The following PTPRQ variants were observed in gnomAD, a reference collection of about 807,000 sequenced individuals.
The protein encoded by PTPRQ is protein tyrosine phosphatase receptor type Q.
In PTPRQ, 199 loss-of-function variants were observed where a neutral mutation model predicts 246.0. That is an observed-to-expected ratio of 0.81 (90% CI 0.72 to 0.91). PTPRQ has a LOEUF of 0.91. Among genes scored for constraint, PTPRQ ranks in the 40% least tolerant of loss-of-function variants. PTPRQ has a pLI of 0.00. For missense variants in PTPRQ, 2,624 were observed against 2,528.4 expected (o/e 1.04, Z -0.81); for synonymous variants, 869 against 853.2 (o/e 1.02, Z -0.32).
intron 25 of PTPRQ, among the ~76,000 whole-genome samples, chr12:80,579,255 G>A (rs1897363678): frequency 6.6e-6 from 1 of 152,230 alleles, no homozygotes; most frequent in African/African-American, 2.4e-5. Flanking sequence ...GTCACCTACT[G>A]TAGTCACCTA....
At chr12:80,667,814 G>A (rs1451515342) in intron 39 of PTPRQ, among the ~76,000 whole-genome samples, 1 of 151,808 alleles carries the variant, frequency 6.6e-6, no homozygotes, top group East Asian at 1.9e-4. Flanking sequence ...TTTTTAATAA[G>A]AAAAGATCCC....
chr12:80,643,692 CT>C (rs1899973220), intron 35 of PTPRQ, among the ~76,000 whole-genome samples: 1 of 151,964 alleles, frequency 6.6e-6, no homozygotes, highest in Non-Finnish European at 1.5e-5. Context: ...ATTAAGGCAC[CT>C]TTAAAAGTAT....
At chr12:80,463,687 G>C (rs1034494056) in intron 6 of PTPRQ, among the ~76,000 whole-genome samples, 3 of 151,796 alleles carry the variant, frequency 2.0e-5, no homozygotes, top group African/African-American at 7.3e-5. Context: ...AACCCTAGAA[G>C]CCAGAAGAGA....
At chr12:80,489,302 C>T (rs964981291) in intron 9 of PTPRQ, among the ~76,000 whole-genome samples, 2 of 151,938 alleles carry the variant, frequency 1.3e-5, no homozygotes, top group Non-Finnish European at 2.9e-5. Flanking sequence ...CCAATCCTAC[C>T]TCTGCTGTCA....
chr12:80,630,103 A>G (rs549945254), intron 33 of PTPRQ, among the ~76,000 whole-genome samples: 1 of 152,336 alleles, frequency 6.6e-6, no homozygotes, highest in South Asian at 2.1e-4. Flanking sequence ...CTACTTGTAT[A>G]TACGTTTTCA....
chr12:80,673,541 T>C (rs962118199), intron 43 of PTPRQ, among the ~76,000 whole-genome samples: 1 of 152,176 alleles, frequency 6.6e-6, no homozygotes, highest in Non-Finnish European at 1.5e-5. Flanking sequence ...TAACTTGTTA[T>C]ACTGATAGGC....
intron 26 of PTPRQ, among the ~76,000 whole-genome samples, chr12:80,604,227 A>G (rs996125680): frequency 6.6e-6 from 1 of 151,620 alleles, no homozygotes; most frequent in East Asian, 2.0e-4. Flanking sequence ...ATTAGAATTG[A>G]CTAGGGGCCC....
Position 80,480,819 on chromosome 12 carries a change from A to G in PTPRQ, c.1187-3614A>G, listed in dbSNP as rs148345506. 8.2e-3 allele frequency among the ~76,000 whole-genome samples: 1,244 copies of G among 152,300 alleles called. 15 individuals are homozygous for G. The highest frequency in any genetic ancestry group is 0.029 in the African/African-American group (1,185 of 41,554). On this transcript the variant is annotated intron_variant, in intron 8 of 44. Coordinates refer to ENST00000644991, the MANE Select transcript of PTPRQ (RefSeq NM_001145026.2). ...GACACATACACTCTCCCAAGACTAA[A>G]CCAGGAAGAAGTTGAATCTCTGAAT...
intron 17 of PTPRQ, among the ~76,000 whole-genome samples, chr12:80,518,666 T>C (rs904973505): frequency 6.6e-6 from 1 of 152,174 alleles, no homozygotes; most frequent in African/African-American, 2.4e-5. Flanking sequence ...TGGTGAAAGA[T>C]GGAGGTCAAG....
chr12:80,444,933 A>G (rs1892508042), intron 2 of PTPRQ, 84 bp downstream of exon 2: 2 of 1,363,018 alleles, frequency 1.5e-6, no homozygotes, highest in Non-Finnish European at 1.9e-6. Context: ...TATACTGGCA[A>G]CATGTACATT....
chr12:80,522,191 G>A (rs1469003592), intron 17 of PTPRQ, among the ~76,000 whole-genome samples: 1 of 152,162 alleles, frequency 6.6e-6, no homozygotes, highest in Non-Finnish European at 1.5e-5. Flanking sequence ...AAGAATGCTT[G>A]TGATTTTTGT....
chr12:80,596,347 A>G (rs893955016), intron 26 of PTPRQ, among the ~76,000 whole-genome samples: 5 of 152,054 alleles, frequency 3.3e-5, no homozygotes. Flanking sequence ...TTGAAATCCT[A>G]TTTACATAAG....
chr12:80,578,452 G>A (rs1897334626), intron 25 of PTPRQ, among the ~76,000 whole-genome samples: 1 of 151,736 alleles, frequency 6.6e-6, no homozygotes, highest in African/African-American at 2.4e-5. Context: ...GTGCAGTGGC[G>A]CGATCTGGGC....
chr12:80,539,853 C>T lies in PTPRQ; in HGVS notation c.3063C>T (p.Phe1021=). The change falls in exon 20 of 45, where the codon TTC becomes TTT. Residue 1021 remains phenylalanine, a synonymous_variant. Transcript: ENST00000644991. ...CAATTATAGATAAACTGACAATATT[C>T]AGCTACTATACATTTTGGTTAACAG... ...VSTIIDKLTI[F]SYYTFWLTAS... is the part of the protein sequence containing the mutation. 6.5e-7 allele frequency: 1 copy of T among 1,548,840 alleles called. No homozygotes were observed.
chr12:80,460,879 C>T lies in PTPRQ; in HGVS notation c.887C>T (p.Thr296Met), dbSNP rs191801650. 19 of 400,568 alleles carry T rather than the reference C, an allele frequency of 4.7e-5. No individual in the cohort carries two copies. The highest frequency in any genetic ancestry group is 3.1e-4 in the Middle Eastern group (1 of 3,202). 24.8% of individuals were successfully genotyped at this position (400,568 alleles called of 1,614,324 possible). ...ATTEAGYIDSTIVRTPESVPE... is the reference protein window; with the variant it reads ...ATTEAGYIDSMIVRTPESVPE... ...ACTGAAGCAGGTTATATTGATAGTACGATTGTCAGAACACCAGAATCAGGT... is the reference window on the plus strand; with the variant it reads ...ACTGAAGCAGGTTATATTGATAGTATGATTGTCAGAACACCAGAATCAGGT... The change falls in exon 6 of 45, where the codon ACG (threonine) becomes ATG (methionine). Residue 296 changes from threonine to methionine, a missense_variant. Transcript: ENST00000644991.
chr12:80,449,911 A>G (rs919927868), intron 3 of PTPRQ, among the ~76,000 whole-genome samples: 5 of 152,174 alleles, frequency 3.3e-5, no homozygotes, highest in African/African-American at 1.2e-4. Flanking sequence ...AATTCTGTGA[A>G]GAAAGTCATT....
intron 25 of PTPRQ, among the ~76,000 whole-genome samples, chr12:80,568,069 A>G (rs1261491487): frequency 6.6e-6 from 1 of 152,204 alleles, no homozygotes; most frequent in African/African-American, 2.4e-5. Context: ...GTATAGGACT[A>G]AAAAATGATT....
chr12:80,457,738 A>G (rs924903809), intron 4 of PTPRQ, 94 bp downstream of exon 4: 1 of 397,336 alleles, frequency 2.5e-6, no homozygotes, highest in Non-Finnish European at 4.5e-6. Flanking sequence ...ACTAAAATAC[A>G]TATAATTCTC....
chr12:80,587,087 T>G (rs1434662853), intron 25 of PTPRQ, among the ~76,000 whole-genome samples: 2 of 152,142 alleles, frequency 1.3e-5, no homozygotes, highest in Admixed American at 1.3e-4. Context: ...TGAATGTAAA[T>G]TTTCAGGGGC....
Sources: gnomAD v4.1 joint callset for allele counts (sites outside exome capture counted in the v4.1 genomes callset) on GRCh38, gnomAD v4.1.1 for gene constraint, MANE v1.5 for transcripts, NCBI Gene and HGNC (gene_info 2026-07-23, HGNC 2026-07-21) for gene names.